Variants in PLXNA4 observed in about 807,000 individuals in gnomAD.
PLXNA4 encodes plexin A4, also known as plexin-A4.
In PLXNA4, 44 loss-of-function variants were observed where a neutral mutation model predicts 191.8. That is an observed-to-expected ratio of 0.23 (90% CI 0.18 to 0.29). PLXNA4 has a LOEUF of 0.29. Among genes scored for constraint, PLXNA4 ranks in the 10% least tolerant of loss-of-function variants. The pLI, the probability that PLXNA4 is intolerant of heterozygous loss-of-function variation, is 1.00. For missense variants in PLXNA4, 1,800 were observed against 2,488.8 expected (o/e 0.72, Z 5.89); for synonymous variants, 1,082 against 1,009.5 (o/e 1.07, Z -1.36).
At chr7:132,638,963 T>C (rs1803662737) in intron 2 of PLXNA4, among the ~76,000 whole-genome samples, 1 of 152,088 alleles carries the variant, frequency 6.6e-6, no homozygotes, top group Non-Finnish European at 1.5e-5. Context: ...ATTCCTAAGG[T>C]CCTCAGGAAT....
intron 3 of PLXNA4, among the ~76,000 whole-genome samples, chr7:132,393,024 C>T (rs1488175738): frequency 6.6e-6 from 1 of 152,118 alleles, no homozygotes; most frequent in Non-Finnish European, 1.5e-5. Context: ...CCACCCTACC[C>T]CATGCCCCAG....
chr7:132,397,774 T>C (rs568353748), intron 3 of PLXNA4, among the ~76,000 whole-genome samples: 2 of 152,348 alleles, frequency 1.3e-5, no homozygotes, highest in Non-Finnish European at 1.5e-5. Context: ...TTTCTCAGTG[T>C]TTTAATATGT....
intron 3 of PLXNA4, among the ~76,000 whole-genome samples, chr7:132,394,723 T>G (rs571080399): frequency 1.1e-4 from 16 of 152,354 alleles, no homozygotes; most frequent in South Asian, 4.1e-4. Flanking sequence ...GAAGAAATCA[T>G]GAGAATCTAT....
chr7:132,288,917 G>C (rs1800782790), intron 4 of PLXNA4, among the ~76,000 whole-genome samples: 1 of 152,168 alleles, frequency 6.6e-6, no homozygotes, highest in Admixed American at 6.5e-5. Flanking sequence ...GGGAGGCAGG[G>C]TGGAGACAGG....
chr7:132,512,910 T>C (rs542060077), intron 1 of PLXNA4, among the ~76,000 whole-genome samples: 34 of 152,336 alleles, frequency 2.2e-4, no homozygotes, highest in African/African-American at 7.2e-4. Context: ...AGAAATTACA[T>C]TCAGCCCAAC....
At chr7:132,371,396 T>C (rs10231676) in intron 3 of PLXNA4, among the ~76,000 whole-genome samples, 1 of 152,048 alleles carries the variant, frequency 6.6e-6, no homozygotes, top group African/African-American at 2.4e-5. Context: ...TAACTTTCGG[T>C]ATCTTACAGC....
chr7:132,593,352 G>A (rs537862348), intron 2 of PLXNA4, among the ~76,000 whole-genome samples: 1 of 152,218 alleles, frequency 6.6e-6, no homozygotes, highest in East Asian at 1.9e-4. Flanking sequence ...TCATCTTTAG[G>A]GTCTCATGAT....
intron 4 of PLXNA4, among the ~76,000 whole-genome samples, chr7:132,292,025 C>A (rs1800911040): frequency 6.6e-6 from 1 of 152,256 alleles, no homozygotes; most frequent in African/African-American, 2.4e-5. Flanking sequence ...GAACTCCTGA[C>A]CTCAGGTGAC....
At chr7:132,628,810 T>C (rs1037567135) in intron 2 of PLXNA4, among the ~76,000 whole-genome samples, 2 of 152,248 alleles carry the variant, frequency 1.3e-5, no homozygotes, top group Non-Finnish European at 2.9e-5. Flanking sequence ...ATGAATGTAG[T>C]ATTCTGTCTT....
intron 1 of PLXNA4, among the ~76,000 whole-genome samples, chr7:132,540,026 A>T (rs1214842263): frequency 3.3e-5 from 5 of 152,184 alleles, no homozygotes; most frequent in Non-Finnish European, 7.3e-5. Flanking sequence ...CTAGAAATGT[A>T]TGGAGGCTTT....
At chr7:132,153,955 A>G (rs1584771121) in intron 25 of PLXNA4, among the ~76,000 whole-genome samples, 1 of 152,176 alleles carries the variant, frequency 6.6e-6, no homozygotes, top group East Asian at 1.9e-4. Context: ...AGCTTCAGGA[A>G]GGGCTGCTGA....
intron 4 of PLXNA4, among the ~76,000 whole-genome samples, chr7:132,255,201 T>C (rs1021711633): frequency 1.3e-5 from 2 of 152,118 alleles, no homozygotes; most frequent in Non-Finnish European, 2.9e-5. Context: ...AATAACTGAA[T>C]GTTAGTCAGG....
At chr7:132,510,100 T>C (rs991380930) in intron 1 of PLXNA4, among the ~76,000 whole-genome samples, 8 of 152,222 alleles carry the variant, frequency 5.3e-5, no homozygotes, top group African/African-American at 1.9e-4. Flanking sequence ...TGTGTTCCCA[T>C]TGGACAGCTT....
chr7:132,358,396 T>G (rs1405442374), intron 3 of PLXNA4, among the ~76,000 whole-genome samples: 1 of 152,130 alleles, frequency 6.6e-6, no homozygotes, highest in Non-Finnish European at 1.5e-5. Flanking sequence ...GAGCAAAGTT[T>G]TAAGAAAAGA....
chr7:132,553,169 G>T (rs576421830), intron 1 of PLXNA4, among the ~76,000 whole-genome samples: 1 of 152,154 alleles, frequency 6.6e-6, no homozygotes, highest in Admixed American at 6.5e-5. Context: ...TTGCAGATGC[G>T]TCCTGAGATA....
intron 3 of PLXNA4, among the ~76,000 whole-genome samples, chr7:132,328,567 T>A (rs1802465958): frequency 6.6e-6 from 1 of 152,232 alleles, no homozygotes; most frequent in African/African-American, 2.4e-5. Flanking sequence ...TGGGAGCAAT[T>A]ATGACCAGGG....
In PLXNA4 at chr7:132,126,158, C is replaced by CCAT. The variant is rs1235425552; in HGVS notation, c.*4318_*4320dup. ...CAGAGGGTGGTGCTGAGACCTGGGC[C>CCAT]CATCACAGCATCGTTCACGGCTCTG... On this transcript the variant is annotated 3_prime_UTR_variant, in exon 32 of 32. Coordinates refer to ENST00000321063, the MANE Select transcript of PLXNA4 (RefSeq NM_020911.2). 2 of 152,298 alleles carry CCAT rather than the reference C, an allele frequency of 1.3e-5. No homozygotes were observed. Among genetic ancestry groups the CCAT allele is most frequent in the African/African-American group, 4.8e-5 (2 of 41,412 alleles). The allele number at this position is 152,298 out of a possible 1,614,324, so 9.4% of individuals were successfully genotyped here. A position where few individuals can be genotyped will look rare whatever the true frequency, so the allele number is the denominator to read the frequency against.
rs1365421316 is a variant in PLXNA4, at chr7:132,159,610, T to C, written c.4523A>G (p.Asp1508Gly). 6.2e-7 allele frequency: 1 copy of C among 1,614,088 alleles called. No individual in the cohort carries two copies. The highest frequency in any genetic ancestry group is 2.2e-5 in the East Asian group (1 of 44,846). The change falls in exon 25 of 32, where the codon GAC becomes GGC. Residue 1508 changes from aspartate (D) to glycine (G), a missense_variant. By Grantham distance (94) the Asp-to-Gly change is moderately conservative. Around this residue, in one of 6 missense-constraint regions of PLXNA4, gnomAD observed 214 missense variants for 298.2 expected, o/e 0.72. Coordinates refer to ENST00000321063, the MANE Select transcript of PLXNA4 (RefSeq NM_020911.2). Reference sequence around the variant, plus strand: ...TGGGACCTCGGGGCTGTTGGCATTGTCTGGGCTGACACAGCTCAGGACCTG... The same window carrying C: ...TGGGACCTCGGGGCTGTTGGCATTGCCTGGGCTGACACAGCTCAGGACCTG... ...KTLVLSCVSPDNANSPEVPVK... is the reference protein window; with the variant it reads ...KTLVLSCVSPGNANSPEVPVK...
At chr7:132,492,194 C>T (rs1236508202) in intron 2 of PLXNA4, among the ~76,000 whole-genome samples, 1 of 152,088 alleles carries the variant, frequency 6.6e-6, no homozygotes, top group East Asian at 1.9e-4. Flanking sequence ...AAAGGGAGTC[C>T]TTGTTTCACA....
Sources: gnomAD v4.1 joint callset for allele counts (sites outside exome capture counted in the v4.1 genomes callset) on GRCh38, gnomAD v4.1.1 for gene constraint, gnomAD v4.1.1 regional missense constraint, MANE v1.5 for transcripts, NCBI Gene and HGNC (gene_info 2026-07-23, HGNC 2026-07-21) for gene names.